Variants in DCP1A observed in about 807,000 individuals in gnomAD.
DCP1A encodes mRNA-decapping enzyme 1A.
Under a neutral mutation model 58.0 loss-of-function variants are expected in DCP1A, and 20 were observed. That is an observed-to-expected ratio of 0.34 (90% CI 0.24 to 0.50). The LOEUF is 0.50. Among genes scored for constraint, DCP1A ranks in the 20% least tolerant of loss-of-function variants. The pLI is 0.98. For missense variants in DCP1A, 613 were observed against 712.2 expected (o/e 0.86, Z 1.59); for synonymous variants, 285 against 275.1 (o/e 1.04, Z -0.36).
At position 53,283,929 on chromosome 3, in the gene DCP1A, C is replaced by T. The variant is rs1341521872; in HGVS notation, c.*3651G>A. The T allele has an allele frequency of 6.6e-6, 1 of 152,182 alleles. No homozygotes were observed. The highest frequency in any genetic ancestry group is 1.5e-5 in the Non-Finnish European group (1 of 68,040). 9.4% of individuals were successfully genotyped at this position (152,182 alleles called of 1,614,324 possible). ...ACAGGCTCCTCAAGGCCCTGGTCCA[C>T]TCGGAAATGTTCTCAAGCACAGCTG... is the stretch of plus-strand genomic sequence containing the variant. On this transcript the variant is annotated 3_prime_UTR_variant, in exon 10 of 10. Transcript: ENST00000610213.
At chr3:53,330,632 T>C (rs924474199) in intron 3 of DCP1A, among the ~76,000 whole-genome samples, 5 of 151,868 alleles carry the variant, frequency 3.3e-5, no homozygotes, top group African/African-American at 1.2e-4. Context: ...GAAAATATAA[T>C]AGAACCTAAG....
intron 5 of DCP1A, among the ~76,000 whole-genome samples, chr3:53,305,085 G>A (rs962146356): frequency 1.3e-5 from 2 of 152,002 alleles, no homozygotes; most frequent in Admixed American, 6.6e-5. Context: ...CTCTAGTTTC[G>A]TCTTTTCAAA....
At chr3:53,323,210 TA>T (rs1356625318) in intron 3 of DCP1A, among the ~76,000 whole-genome samples, 1 of 152,170 alleles carries the variant, frequency 6.6e-6, no homozygotes, top group Non-Finnish European at 1.5e-5. Context: ...CTCCAATGAA[TA>T]ACAAGTAATT....
chr3:53,312,313 G>A lies in DCP1A; in HGVS notation c.438C>T (p.Ala146=), dbSNP rs1553688754. ...AARDKQSPSQ[A]NGCSDHRPID... Reference sequence around the variant, plus strand: ...TGGGCCTGTGGTCGCTGCAGCCATTGGCCTGGCTGGGACTCTGTTTGTCCC... The same window carrying A: ...TGGGCCTGTGGTCGCTGCAGCCATTAGCCTGGCTGGGACTCTGTTTGTCCC... Residue 146 remains alanine (A), a synonymous_variant, in exon 5 of 10, where the codon GCC becomes GCT. Transcript: ENST00000610213. 2.5e-6 allele frequency: 4 copies of A among 1,613,396 alleles called. No homozygotes were observed. The highest frequency in any genetic ancestry group is 1.1e-5 in the South Asian group (1 of 91,036).
intron 1 of DCP1A, among the ~76,000 whole-genome samples, chr3:53,345,372 C>T (rs2106905334): frequency 6.6e-6 from 1 of 152,214 alleles, no homozygotes; most frequent in Non-Finnish European, 1.5e-5. Flanking sequence ...TTATAGGATA[C>T]TTTGTTTCAT....
chr3:53,300,826 T>G (rs1575598967), intron 6 of DCP1A, among the ~76,000 whole-genome samples: 1 of 152,100 alleles, frequency 6.6e-6, no homozygotes, highest in East Asian at 1.9e-4. Context: ...TTTTGTATTT[T>G]TATTAGAGAC....
rs6804534 is a variant in DCP1A at position 53,336,042 on chromosome 3, T to C, written c.304+6102A>G. ...CTTGAACTCCTGGGCTCAAGTGATC[T>C]GTTCGCCTTGGCCTCCCAAAGTGCT... On this transcript the variant is annotated intron_variant, in intron 3 of 9. Transcript: ENST00000610213. Among the ~76,000 whole-genome samples, 1,512 of 152,176 alleles carry C rather than the reference T, an allele frequency of 9.9e-3. 19 individuals carry two copies. Among genetic ancestry groups the C allele is most frequent in the African/African-American group, 0.034 (1,397 of 41,512 alleles).
intron 3 of DCP1A, among the ~76,000 whole-genome samples, chr3:53,322,297 C>T (rs921982041): frequency 6.6e-6 from 1 of 151,924 alleles, no homozygotes; most frequent in Non-Finnish European, 1.5e-5. Flanking sequence ...ACTAAAAATA[C>T]AAAAAGTAGC....
At chr3:53,317,419 C>T (rs1411428279) in intron 4 of DCP1A, among the ~76,000 whole-genome samples, 1 of 152,224 alleles carries the variant, frequency 6.6e-6, no homozygotes, top group Non-Finnish European at 1.5e-5. Context: ...CCCGCCTTGG[C>T]CCACCAAAGT....
At chr3:53,314,731 G>A (rs782604035) in intron 4 of DCP1A, among the ~76,000 whole-genome samples, 5 of 145,994 alleles carry the variant, frequency 3.4e-5, no homozygotes, top group Non-Finnish European at 7.4e-5. Flanking sequence ...GAGTGCAGTG[G>A]TGCGATCTCG....
At chr3:53,322,418 T>A (rs1179037309) in intron 3 of DCP1A, among the ~76,000 whole-genome samples, 6 of 150,800 alleles carry the variant, frequency 4.0e-5, no homozygotes, top group African/African-American at 1.5e-4. Context: ...GCCACTGCAC[T>A]CCAGCCTGGG....
chr3:53,346,918 A>T (rs2089298678), intron 1 of DCP1A, among the ~76,000 whole-genome samples: 1 of 152,124 alleles, frequency 6.6e-6, no homozygotes, highest in African/African-American at 2.4e-5. Flanking sequence ...TTTAAACCCA[A>T]ATGACCTCTG....
chr3:53,302,138 A>T (rs1386054589), intron 6 of DCP1A, among the ~76,000 whole-genome samples: 1 of 152,194 alleles, frequency 6.6e-6, no homozygotes, highest in African/African-American at 2.4e-5. Context: ...CAACAAAGGA[A>T]ATCTGAACAA....
intron 6 of DCP1A, among the ~76,000 whole-genome samples, chr3:53,303,818 AG>A (rs1446095520): frequency 6.6e-6 from 1 of 152,212 alleles, no homozygotes; most frequent in Non-Finnish European, 1.5e-5. Flanking sequence ...CAGATAAGGT[AG>A]GGCCTCGTGG....
intron 1 of DCP1A, among the ~76,000 whole-genome samples, chr3:53,345,872 G>GA (rs2089285571): frequency 6.6e-6 from 1 of 152,140 alleles, no homozygotes; most frequent in South Asian, 2.1e-4. Context: ...TACAGTAAAA[G>GA]AAAATTTGCC....
chr3:53,283,908 GCTC>G lies in DCP1A; in HGVS notation c.*3669_*3671del, dbSNP rs1342377747. 6.6e-6 allele frequency: 1 copy of G among 152,110 alleles called. No homozygotes were observed. The highest frequency in any genetic ancestry group is 1.5e-5 in the Non-Finnish European group (1 of 68,018). 9.4% of individuals were successfully genotyped at this position (152,110 alleles called of 1,614,324 possible). A position where few individuals can be genotyped will look rare whatever the true frequency, so the allele number is the denominator to read the frequency against. On this transcript the variant is annotated 3_prime_UTR_variant, in exon 10 of 10. Transcript: ENST00000610213. ...ATCTGTTGAATTTGCTGAAAAACAG[GCTC>G]CTCAAGGCCCTGGTCCACTCGGAAA...
At chr3:53,322,515 G>C (rs1248323711) in intron 3 of DCP1A, among the ~76,000 whole-genome samples, 1 of 151,350 alleles carries the variant, frequency 6.6e-6, no homozygotes, top group Non-Finnish European at 1.5e-5. Context: ...ATATAATTTT[G>C]AGTCTTTCTA....
intron 3 of DCP1A, among the ~76,000 whole-genome samples, chr3:53,323,240 T>C (rs782261281): frequency 6.6e-6 from 1 of 152,224 alleles, no homozygotes; most frequent in South Asian, 2.1e-4. Context: ...TTTTACATCA[T>C]GGTAAGTCAA....
At chr3:53,330,254 C>A (rs1418418159) in intron 3 of DCP1A, among the ~76,000 whole-genome samples, 1 of 152,072 alleles carries the variant, frequency 6.6e-6, no homozygotes, top group Non-Finnish European at 1.5e-5. Context: ...CCTGACCCAG[C>A]GGGGTGCAGT....
Sources: gnomAD v4.1 joint callset for allele counts (sites outside exome capture counted in the v4.1 genomes callset) on GRCh38, gnomAD v4.1.1 for gene constraint, MANE v1.5 for transcripts, NCBI Gene and HGNC (gene_info 2026-07-23, HGNC 2026-07-21) for gene names.